Variants in CACNA1G observed in about 807,000 individuals in gnomAD.
CACNA1G encodes voltage-dependent T-type calcium channel subunit alpha-1G.
Under a neutral mutation model 219.4 loss-of-function variants are expected in CACNA1G, and 67 were observed. That is an observed-to-expected ratio of 0.31 (90% confidence interval 0.25 to 0.37). CACNA1G has a LOEUF of 0.37. Among genes scored for constraint, CACNA1G ranks in the 10% least tolerant of loss-of-function variants. The probability of loss-of-function intolerance (pLI) is 1.00; values close to 1 mark genes in which losing one functional copy is unlikely to be tolerated. For missense variants in CACNA1G, 2,380 were observed against 3,231.4 expected (o/e 0.74, Z 6.39); for synonymous variants, 1,296 against 1,345.3 (o/e 0.96, Z 0.80).
chr17:50,577,411 G>A (rs552292787), intron 8 of CACNA1G, among the ~76,000 whole-genome samples: 4 of 150,222 alleles, frequency 2.7e-5, no homozygotes, highest in Non-Finnish European at 4.4e-5. Flanking sequence ...GGACATTGAT[G>A]TCTTGGGCTA....
chr17:50,619,842 T>A lies in CACNA1G; in HGVS notation c.5925+16T>A. On this transcript the variant is annotated intron_variant, in intron 34 of 37. Transcript: ENST00000359106. ...CGACCCACAGGTTACTGTGCCCCTG[T>A]GCTGTGCCCTCTCCCCTGACCGTGC... 6.3e-7 allele frequency: 1 copy of A among 1,594,418 alleles called. No individual in the cohort carries two copies.
rs1434395235 is a variant in CACNA1G at position 50,561,612 on chromosome 17, G to A, written c.153G>A (p.Leu51=). The change falls in exon 1 of 38, where the codon CTG becomes CTA. Residue 51 remains leucine, a synonymous_variant. Coordinates refer to ENST00000359106, the MANE Select transcript of CACNA1G (RefSeq NM_018896.5). ...GCGCGGACTCCGAGGCGGAGGGGCT[G>A]CCGTACCCGGCGCTGGCCCCGGTGG... ...PGSADSEAEG[L]PYPALAPVVF... The A allele has an allele frequency of 3.8e-6, 6 of 1,591,808 alleles. No homozygotes were observed. The highest frequency in any genetic ancestry group is 1.1e-5 in the South Asian group (1 of 88,388).
chr17:50,625,928 G>T (rs1188626261), intron 37 of CACNA1G, 89 bp from the exon 38 acceptor site: 1 of 1,411,544 alleles, frequency 7.1e-7, no homozygotes, highest in Admixed American at 2.1e-5. Flanking sequence ...CCTGGTGGTG[G>T]TGGGCAGGGG....
At chr17:50,593,698 G>A (rs2044867084) in intron 13 of CACNA1G, among the ~76,000 whole-genome samples, 1 of 152,252 alleles carries the variant, frequency 6.6e-6, no homozygotes, top group Admixed American at 6.5e-5. Context: ...CGCAGTATCA[G>A]GACCTTTGCA....
chr17:50,621,579 A>G lies in CACNA1G; in HGVS notation c.5926-81A>G. On this transcript the variant is annotated intron_variant, in intron 34 of 37. Coordinates refer to ENST00000359106, the MANE Select transcript of CACNA1G (RefSeq NM_018896.5). The surrounding 1 kb of genome is among the most constrained non-coding windows in gnomAD (Gnocchi z 4.6). ...CGTGAAAAGGGGGAAGTGGGGACTG[A>G]GAGAGAGCGCGTGTGTGCGTGTGCA... 4 of 1,489,426 alleles carry G rather than the reference A, an allele frequency of 2.7e-6. No individual in the cohort carries two copies. The highest frequency in any genetic ancestry group is 3.7e-6 in the Non-Finnish European group (4 of 1,085,152). The allele number at this position is 1,489,426 out of a possible 1,614,324, so 92.3% of individuals were successfully genotyped here. A position where few individuals can be genotyped will look rare whatever the true frequency, so the allele number is the denominator to read the frequency against.
Position 50,561,582 on chromosome 17 carries a change from G to T in CACNA1G, c.123G>T (p.Pro41=), listed in dbSNP as rs777628114. The part of the protein sequence containing the change: ...RPGPGSAEKD[P]GSADSEAEGL... ...GGCCGGGGTCAGCAGAAAAGGACCC[G>T]GGCAGCGCGGACTCCGAGGCGGAGG... Residue 41 remains proline, a synonymous_variant, in exon 1 of 38, where the codon CCG becomes CCT. Coordinates refer to ENST00000359106, the MANE Select transcript of CACNA1G (RefSeq NM_018896.5). 97 of 1,561,574 alleles carry T rather than the reference G, an allele frequency of 6.2e-5. No homozygotes were observed. Among genetic ancestry groups the T allele is most frequent in the Non-Finnish European group, 7.8e-5 (90 of 1,156,208 alleles).
In CACNA1G at chr17:50,596,867, C is replaced by T. The variant is rs754170584; in HGVS notation, c.3202C>T (p.Arg1068Cys). The change falls in exon 16 of 38, where the codon CGC becomes TGC. Residue 1068 changes from arginine (R) to cysteine (C), a missense_variant. By Grantham distance (180) the Arg-to-Cys change is radical (BLOSUM62 -3). Coordinates refer to ENST00000359106, the MANE Select transcript of CACNA1G (RefSeq NM_018896.5). The surrounding 1 kb of genome is among the most constrained non-coding windows in gnomAD (Gnocchi z 4.8). ...CGAGGCGCTGGGCCCTGCGTCGCGC[C>T]GCACCAGCAGCAGCGGGTCGGCAGA... ...LGEALGPASRRTSSSGSAEPG... is the reference protein window; with the variant it reads ...LGEALGPASRCTSSSGSAEPG... 4.3e-5 allele frequency: 68 copies of T among 1,594,164 alleles called. No individual in the cohort carries two copies. The Middle Eastern group carries it at 1.4e-3, about 34-fold the overall frequency.
chr17:50,610,214 C>T (rs2048923232), intron 26 of CACNA1G, among the ~76,000 whole-genome samples: 1 of 152,246 alleles, frequency 6.6e-6, no homozygotes, highest in South Asian at 2.1e-4. Context: ...CCTGCCACCT[C>T]TTCCCTCCTG....
rs1475703572 is a variant in CACNA1G at position 50,596,626 on chromosome 17, A to G, written c.3044A>G (p.Asp1015Gly). 3 of 1,613,886 alleles carry G rather than the reference A, an allele frequency of 1.9e-6. No homozygotes were observed. The highest frequency in any genetic ancestry group is 4.5e-5 in the East Asian group (2 of 44,850). The part of the protein sequence containing the change: ...FFSPSLDGDG[D>G]RKKCLALVSL... ...TCACCCAGCCTGGATGGTGATGGGG[A>G]CAGGAAGAAGTGCTTGGCCTGTGAG... The change falls in exon 15 of 38, where the codon GAC becomes GGC. Residue 1015 changes from aspartate (D) to glycine (G), a missense_variant. By Grantham distance (94) the Asp-to-Gly change is moderately conservative. Around this residue, in one of 17 missense-constraint regions of CACNA1G, gnomAD observed 418 missense variants for 434.3 expected, o/e 0.96. Transcript: ENST00000359106. This position sits in a 1 kb window ranked among gnomAD's most constrained non-coding sequence, Gnocchi z 4.8.
At position 50,599,653 on chromosome 17, in the gene CACNA1G, G is replaced by T; in HGVS notation, c.3484G>T (p.Gly1162Trp). Residue 1162 changes from glycine to tryptophan, a missense_variant, in exon 17 of 38, where the codon GGG becomes TGG. Gly to Trp is a radical substitution (Grantham distance 184, BLOSUM62 -2). Transcript: ENST00000359106. ...SPAGSDHRHR[G>W]SLEREAKSSF... ...TGCGGGCAGTGACCATCGCCACAGG[G>T]GGTCCCTGGAGCGGGAGGCCAAGAG... 6.2e-7 allele frequency: 1 copy of T among 1,613,112 alleles called. No homozygotes were observed. The highest frequency in any genetic ancestry group is 8.5e-7 in the Non-Finnish European group (1 of 1,179,570).
chr17:50,580,572 C>T (rs142746500), intron 9 of CACNA1G, among the ~76,000 whole-genome samples: 29 of 152,302 alleles, frequency 1.9e-4, no homozygotes, highest in African/African-American at 6.5e-4. Context: ...TCAAGAAGGA[C>T]GCCCCTTTGG....
intron 37 of CACNA1G, among the ~76,000 whole-genome samples, chr17:50,624,955 C>CT (rs3986415): frequency 0.33 from 38,256 of 117,498 alleles, 7,628 homozygotes; most frequent in East Asian, 0.78. Context: ...AGCCCAGATT[C>CT]TTTTTTTTTT....
chr17:50,568,656 G>T (rs964665506), intron 1 of CACNA1G, among the ~76,000 whole-genome samples: 2 of 152,134 alleles, frequency 1.3e-5, no homozygotes, highest in African/African-American at 4.8e-5. Flanking sequence ...GAGGAAGCTG[G>T]GTCCAGAGAG....
At chr17:50,599,928 G>A (rs2046293226) in intron 17 of CACNA1G, 69 bp downstream of exon 17, 12 of 1,480,622 alleles carry the variant, frequency 8.1e-6, no homozygotes, top group Non-Finnish European at 6.4e-6. Context: ...GCCTGGCCTG[G>A]CAGGGTATAA....
chr17:50,626,449 G>C lies in CACNA1G; in HGVS notation c.6832G>C (p.Gly2278Arg). The change falls in exon 38 of 38, where the codon GGC (glycine) becomes CGC (arginine). Residue 2278 changes from glycine to arginine, a missense_variant. By Grantham distance (125) the Gly-to-Arg change is moderately radical. Transcript: ENST00000359106. This position sits in a 1 kb window ranked among gnomAD's most constrained non-coding sequence, Gnocchi z 4.3. ...HSIAVSCLDS[G>R]SQPHLGTDPS... ...TATCGCCGTCAGCTGCCTGGACAGCGGCTCCCAACCCCACCTGGGCACAGA... is the reference window on the plus strand; with the variant it reads ...TATCGCCGTCAGCTGCCTGGACAGCCGCTCCCAACCCCACCTGGGCACAGA... 3 of 1,604,610 alleles carry C rather than the reference G, an allele frequency of 1.9e-6. No individual in the cohort carries two copies. The highest frequency in any genetic ancestry group is 1.7e-4 in the Middle Eastern group (1 of 6,052).
rs370667544 is a variant in CACNA1G, at chr17:50,575,646, G to A, written c.1244G>A (p.Arg415Gln). Residue 415 changes from arginine (R) to glutamine (Q), a missense_variant, in exon 8 of 38, where the codon CGG (arginine) becomes CAG (glutamine). Physicochemically the swap from Arg to Gln is conservative, Grantham distance 43 (BLOSUM62 1). Coordinates refer to ENST00000359106, the MANE Select transcript of CACNA1G (RefSeq NM_018896.5). ...ESQLMREQRV[R>Q]FLSNASTLAS... ...CAGCTGATGCGGGAGCAGCGTGTGC[G>A]GTTCCTGTCCAACGCCAGCACCCTG... is the stretch of plus-strand genomic sequence containing the variant. The A allele has an allele frequency of 2.1e-5, 34 of 1,613,586 alleles. No individual in the cohort carries two copies. Among genetic ancestry groups the A allele is most frequent in the Middle Eastern group, 3.3e-4 (2 of 6,028 alleles).
At chr17:50,625,858 G>A (rs563529529) in intron 37 of CACNA1G, among the ~76,000 whole-genome samples, 159 bp from the exon 38 acceptor site, 2 of 152,256 alleles carry the variant, frequency 1.3e-5, no homozygotes, top group African/African-American at 4.8e-5. Context: ...AGGCTGCAAT[G>A]ACCCCTATCT....
chr17:50,623,591 G>A (rs921474024), intron 35 of CACNA1G, among the ~76,000 whole-genome samples: 7 of 151,382 alleles, frequency 4.6e-5, no homozygotes, highest in Non-Finnish European at 5.9e-5. Context: ...ATACCTCCCC[G>A]CCCCTCCACC....
Position 50,618,149 on chromosome 17 carries a change from G to A in CACNA1G, c.5305+23G>A. On this transcript the variant is annotated intron_variant, in intron 31 of 37. Transcript: ENST00000359106. This position sits in a 1 kb window ranked among gnomAD's most constrained non-coding sequence, Gnocchi z 5.3. ...TGGGTGAGTTGGGGTAGGGGAGGGT[G>A]GAGGAGCCAGGGCTGGAGACCAGGG... 2 of 1,613,448 alleles carry A rather than the reference G, an allele frequency of 1.2e-6. No homozygotes were observed. The highest frequency in any genetic ancestry group is 1.7e-6 in the Non-Finnish European group (2 of 1,179,568).
Sources: gnomAD v4.1 joint callset for allele counts (sites outside exome capture counted in the v4.1 genomes callset) on GRCh38, gnomAD v4.1.1 for gene constraint, gnomAD v4.1.1 regional missense constraint, Gnocchi (gnomAD v3.1) non-coding constraint, MANE v1.5 for transcripts, NCBI Gene and HGNC (gene_info 2026-07-23, HGNC 2026-07-21) for gene names.